Variants in FBXL13 observed in about 807,000 individuals in gnomAD.
FBXL13 encodes the protein F-box and leucine rich repeat protein 13.
In FBXL13, 67 loss-of-function variants were observed where a neutral mutation model predicts 83.6. The observed-to-expected ratio is 0.80, with a 90% CI of 0.66 to 0.98. FBXL13 has a LOEUF of 0.98. Ranked by LOEUF, FBXL13 falls within the 50% of genes least tolerant of loss-of-function variation. FBXL13 has a pLI of 0.00. For synonymous variants in FBXL13, 272 were observed against 299.5 expected, an observed-to-expected ratio of 0.91 and a Z score of 0.95; for missense variants, 822 against 866.5, an observed-to-expected ratio of 0.95 and a Z score of 0.64.
exon 15 of FBXL13, chr7:102,878,401 T>A (rs1199218792): frequency 1.2e-6 from 2 of 1,609,552 alleles, no homozygotes; most frequent in East Asian, 2.2e-5. Context: ...TCTCTTATCC[T>A]CATGCTTGCA....
intron 2 of FBXL13, among the ~76,000 whole-genome samples, chr7:103,035,106 T>A (rs1310576104): frequency 6.6e-6 from 1 of 152,160 alleles, no homozygotes; most frequent in African/African-American, 2.4e-5. Context: ...CCAACCAGTG[T>A]GGTCTGAGTA....
exon 5 of FBXL13, chr7:103,027,547 G>A (rs768316403): frequency 2.1e-5 from 33 of 1,603,670 alleles, no homozygotes; most frequent in African/African-American, 4.0e-5. Flanking sequence ...TGTTGTATCC[G>A]CAATAGAATA....
At chr7:102,818,781 A>T (rs553562085) in intron 19 of FBXL13, among the ~76,000 whole-genome samples, 38 of 152,270 alleles carry the variant, frequency 2.5e-4, no homozygotes, top group Non-Finnish European at 4.4e-4. Flanking sequence ...TTATTTTTTT[A>T]AAAAATTTAT....
chr7:102,925,421 G>T (rs767155100), intron 10 of FBXL13, among the ~76,000 whole-genome samples: 12 of 152,062 alleles, frequency 7.9e-5, no homozygotes, highest in Non-Finnish European at 1.5e-4. Context: ...AAAAATTTTT[G>T]ATAAATTTGA....
At chr7:103,071,732 G>A (rs1235918859) in intron 1 of FBXL13, among the ~76,000 whole-genome samples, 1 of 152,042 alleles carries the variant, frequency 6.6e-6, no homozygotes, top group African/African-American at 2.4e-5. Flanking sequence ...CAAGAGATTT[G>A]CAGGAAAATG....
In FBXL13 at chr7:103,033,159, G is replaced by C. The variant is rs886103913; in HGVS notation, c.1-3741C>G. On this transcript the variant is annotated intron_variant, in intron 2 of 19. Coordinates refer to ENST00000313221, the Ensembl canonical transcript of FBXL13. ...ACAAGAGACTAAGAAAGGTTTTTTT[G>C]TTTGTTTTTTGTTTTTGTTTTTCTT... 7.2e-3 allele frequency among the ~76,000 whole-genome samples: 1,092 copies of C among 152,042 alleles called. 10 individuals carry two copies. Among genetic ancestry groups the C allele is most frequent in the African/African-American group, 0.025 (1,031 of 41,406 alleles).
At chr7:102,834,513 T>G (rs146978407) in intron 17 of FBXL13, 1 of 149,990 alleles carries the variant, frequency 6.7e-6, no homozygotes, top group East Asian at 1.9e-4. Context: ...TCTCTAGCTA[T>G]CTCTAAGATT....
intron 11 of FBXL13, among the ~76,000 whole-genome samples, chr7:102,908,282 A>T (rs1814078762): frequency 1.3e-5 from 2 of 151,806 alleles, no homozygotes; most frequent in Admixed American, 1.3e-4. Flanking sequence ...CTCTTTGTTA[A>T]ATTTATCTGA....
At chr7:103,062,376 A>G (rs1435469774) in intron 1 of FBXL13, among the ~76,000 whole-genome samples, 3 of 152,196 alleles carry the variant, frequency 2.0e-5, no homozygotes, top group Non-Finnish European at 4.4e-5. Flanking sequence ...GTCTACCAAT[A>G]AGGCTTTATT....
chr7:103,022,189 A>G (rs1418650665), intron 6 of FBXL13, among the ~76,000 whole-genome samples: 2 of 152,202 alleles, frequency 1.3e-5, no homozygotes, highest in Non-Finnish European at 2.9e-5. Context: ...AGGGACATGG[A>G]TGAAGCTGGA....
intron 6 of FBXL13, chr7:102,975,749 G>A (rs1438541248): frequency 1.7e-5 from 10 of 587,904 alleles, no homozygotes; most frequent in South Asian, 4.3e-5. Flanking sequence ...AATATTCAGC[G>A]CCAGCTTCAA....
At chr7:102,827,328 C>T (rs541946501) in intron 18 of FBXL13, among the ~76,000 whole-genome samples, 2 of 152,274 alleles carry the variant, frequency 1.3e-5, no homozygotes, top group Non-Finnish European at 2.9e-5. Flanking sequence ...CCTTGGGCAA[C>T]CCTGGGGCCA....
intron 6 of FBXL13, among the ~76,000 whole-genome samples, chr7:103,000,405 CTTTTGTTGTTTATT>C (rs1209680889): frequency 6.6e-6 from 1 of 152,054 alleles, no homozygotes; most frequent in African/African-American, 2.4e-5. Context: ...ACCAAAGTTG[CTTTTGTTGTTTATT>C]TCTAGTTTTA....
chr7:103,066,768 T>C (rs2129503492), intron 1 of FBXL13, among the ~76,000 whole-genome samples: 1 of 152,144 alleles, frequency 6.6e-6, no homozygotes, highest in South Asian at 2.1e-4. Context: ...TTTTTTAATA[T>C]TCAGTGGAAG....
Position 102,961,336 on chromosome 7 carries a change from G to A in FBXL13, c.724+2197C>T, listed in dbSNP as rs1239937290. Among the ~76,000 whole-genome samples, 1,174 of 147,268 alleles carry A rather than the reference G, an allele frequency of 8.0e-3. 12 individuals carry two copies. Among genetic ancestry groups the A allele is most frequent in the African/African-American group, 0.028 (1,111 of 39,090 alleles). Reference sequence around the variant, plus strand: ...AACCACTGCTCAAGGAAATAAAAGAGGATACAAACAAATGGAAGAACATTC... The same window carrying A: ...AACCACTGCTCAAGGAAATAAAAGAAGATACAAACAAATGGAAGAACATTC... On this transcript the variant is annotated intron_variant, in intron 8 of 19. Transcript: ENST00000313221.
chr7:103,003,278 GTTTTTTTT>G (rs563726626), intron 6 of FBXL13, among the ~76,000 whole-genome samples: 2 of 75,924 alleles, frequency 2.6e-5, no homozygotes, highest in African/African-American at 6.5e-5. Flanking sequence ...TTGTTTTGGG[GTTTTTTTT>G]TTTTTTTTTT....
chr7:102,876,788 T>C (rs1050742538), intron 16 of FBXL13, among the ~76,000 whole-genome samples: 7 of 152,138 alleles, frequency 4.6e-5, no homozygotes, highest in Non-Finnish European at 7.4e-5. Flanking sequence ...ATATCCCTCC[T>C]ATATAGGAAG....
chr7:102,831,173 G>A (rs542364162), intron 18 of FBXL13, among the ~76,000 whole-genome samples: 5 of 152,234 alleles, frequency 3.3e-5, no homozygotes, highest in African/African-American at 1.2e-4. Context: ...TGCTCAGTTG[G>A]AAAAAGTGCT....
chr7:102,921,150 TCAAAA>T (rs1816929450), intron 10 of FBXL13, among the ~76,000 whole-genome samples: 1 of 152,034 alleles, frequency 6.6e-6, no homozygotes, highest in African/African-American at 2.4e-5. Context: ...AGACTCCGTC[TCAAAA>T]CAAAGCGAAT....
Sources: gnomAD v4.1 joint callset for allele counts (sites outside exome capture counted in the v4.1 genomes callset) on GRCh38, gnomAD v4.1.1 for gene constraint, MANE v1.5 for transcripts, NCBI Gene and HGNC (gene_info 2026-07-23, HGNC 2026-07-21) for gene names.